Variants in CTIF observed in about 807,000 individuals in gnomAD.
CTIF encodes the protein cap binding complex dependent translation initiation factor, also known as CBP80/20-dependent translation initiation factor.
A neutral mutation model predicts 66.0 loss-of-function variants in CTIF; 21 were observed. The ratio of observed to expected loss-of-function variants is 0.32; its 90% CI spans 0.23 to 0.46. The LOEUF is 0.46. Among genes scored for constraint, CTIF ranks in the 20% least tolerant of loss-of-function variants. The pLI is 1.00. For synonymous variants in CTIF, 345 were observed against 326.4 expected (o/e 1.06, Z -0.62); for missense variants, 739 against 812.7 (o/e 0.91, Z 1.10).
chr18:48,773,946 G>A (rs757481408), intron 9 of CTIF, among the ~76,000 whole-genome samples: 2 of 152,102 alleles, frequency 1.3e-5, no homozygotes, highest in Admixed American at 6.6e-5. Flanking sequence ...TCAACCCTCC[G>A]CTCTAAGAGT....
chr18:48,670,823 A>G (rs2145003591), intron 6 of CTIF, 79 bp downstream of exon 6: 6 of 1,228,766 alleles, frequency 4.9e-6, no homozygotes, highest in Non-Finnish European at 7.2e-6. Context: ...GGACCTAACC[A>G]AAGCACTCCT....
chr18:48,570,733 T>C (rs949617735), intron 1 of CTIF, among the ~76,000 whole-genome samples: 11 of 152,006 alleles, frequency 7.2e-5, no homozygotes, highest in African/African-American at 2.4e-4. Context: ...CGGAACTTTA[T>C]ATGCAGAGGC....
rs976869081 is a variant in CTIF at position 48,860,027 on chromosome 18, C to CT, written c.*468_*469insT. ...GTTCCCGCATGCTGTCAGCCGCAGT[C>CT]GCCAACTGGCAGCAGGCGACGTGTA... On this transcript the variant is annotated 3_prime_UTR_variant, in exon 12 of 12. Transcript: ENST00000256413. 4.5e-6 allele frequency: 2 copies of CT among 440,712 alleles called. No homozygotes were observed. Among genetic ancestry groups the CT allele is most frequent in the Non-Finnish European group, 9.3e-6 (2 of 215,862 alleles). 27.3% of individuals were successfully genotyped at this position (440,712 alleles called of 1,614,324 possible). A position where few individuals can be genotyped will look rare whatever the true frequency, so the allele number is the denominator to read the frequency against.
At chr18:48,713,606 C>CA (rs1343648251) in intron 7 of CTIF, among the ~76,000 whole-genome samples, 1 of 151,994 alleles carries the variant, frequency 6.6e-6, no homozygotes, top group East Asian at 1.9e-4. Flanking sequence ...CAAAGTGAGG[C>CA]AATAAAGATG....
At chr18:48,840,209 T>G (rs1456139492) in intron 10 of CTIF, among the ~76,000 whole-genome samples, 1 of 152,116 alleles carries the variant, frequency 6.6e-6, no homozygotes, top group Non-Finnish European at 1.5e-5. Flanking sequence ...CAGAGGCAGA[T>G]AAGGGCAGGA....
intron 1 of CTIF, among the ~76,000 whole-genome samples, chr18:48,593,473 C>T (rs1487091528): frequency 2.1e-4 from 32 of 151,630 alleles, no homozygotes; most frequent in Admixed American, 2.0e-3. Context: ...CTCTGCCTCC[C>T]GGGTTCATGC....
intron 2 of CTIF, chr18:48,625,115 C>A: frequency 1.9e-6 from 1 of 533,750 alleles, no homozygotes; most frequent in Non-Finnish European, 2.4e-6. Flanking sequence ...TGTTCCCTCG[C>A]CCTTTTTCTA....
At chr18:48,652,813 G>T in intron 3 of CTIF, among the ~76,000 whole-genome samples, 1 of 152,172 alleles carries the variant, frequency 6.6e-6, no homozygotes, top group Non-Finnish European at 1.5e-5. Flanking sequence ...GGGATGCAAG[G>T]CTGGTTCAAC....
chr18:48,859,631 G>T lies in CTIF; in HGVS notation c.*72G>T. ...TGCACAGGGCCAGATGGACAGGCGGGAGGACAGGGGTGGCCCTGGCGGGAG... is the reference window on the plus strand; with the variant it reads ...TGCACAGGGCCAGATGGACAGGCGGTAGGACAGGGGTGGCCCTGGCGGGAG... On this transcript the variant is annotated 3_prime_UTR_variant, in exon 12 of 12. Coordinates refer to ENST00000256413, the MANE Select transcript of CTIF (RefSeq NM_014772.3). 1 of 1,435,892 alleles carries T rather than the reference G, an allele frequency of 7.0e-7. No individual in the cohort carries two copies. The highest frequency in any genetic ancestry group is 9.8e-7 in the Non-Finnish European group (1 of 1,020,218). 88.9% of individuals were successfully genotyped at this position (1,435,892 alleles called of 1,614,324 possible).
chr18:48,841,909 G>A (rs150262766), intron 10 of CTIF, among the ~76,000 whole-genome samples: 28 of 152,252 alleles, frequency 1.8e-4, no homozygotes, highest in African/African-American at 6.7e-4. Context: ...GCCAGGCAGG[G>A]ACTCCTCAGC....
chr18:48,603,628 AGGATGGAT>A (rs780856135), intron 1 of CTIF, among the ~76,000 whole-genome samples: 11 of 120,832 alleles, frequency 9.1e-5, no homozygotes, highest in Non-Finnish European at 1.2e-4. Flanking sequence ...GATGGATGGA[AGGATGGAT>A]GGATGGATGG....
chr18:48,752,959 T>G (rs999595883), intron 7 of CTIF, among the ~76,000 whole-genome samples: 1 of 152,156 alleles, frequency 6.6e-6, no homozygotes, highest in Non-Finnish European at 1.5e-5. Context: ...GGGGTGGGTG[T>G]GTGTGGCGAC....
At chr18:48,667,869 C>G (rs779032030) in intron 5 of CTIF, among the ~76,000 whole-genome samples, 4 of 152,188 alleles carry the variant, frequency 2.6e-5, no homozygotes, top group Non-Finnish European at 4.4e-5. Flanking sequence ...ATGGCCAGAC[C>G]AGGAACTGTG....
At chr18:48,725,597 C>G (rs994834100) in intron 7 of CTIF, among the ~76,000 whole-genome samples, 3 of 152,138 alleles carry the variant, frequency 2.0e-5, no homozygotes, top group Non-Finnish European at 2.9e-5. Context: ...CCTTTTGACC[C>G]CAGATTTACT....
chr18:48,679,927 TGA>T (rs972580432), intron 6 of CTIF, among the ~76,000 whole-genome samples: 7 of 151,908 alleles, frequency 4.6e-5, no homozygotes, highest in African/African-American at 1.7e-4. Flanking sequence ...AGGAGGCTGT[TGA>T]GAGTGGGGGA....
intron 9 of CTIF, among the ~76,000 whole-genome samples, chr18:48,787,928 A>C (rs1168044734): frequency 6.6e-6 from 1 of 152,188 alleles, no homozygotes; most frequent in Non-Finnish European, 1.5e-5. Flanking sequence ...GAGGTCTGGC[A>C]GTCCTCTGCG....
intron 1 of CTIF, among the ~76,000 whole-genome samples, chr18:48,592,558 G>A (rs2089909461): frequency 6.6e-6 from 1 of 151,984 alleles, no homozygotes; most frequent in Admixed American, 6.6e-5. Flanking sequence ...CCGTTCCCAT[G>A]TGGGCAAGGA....
chr18:48,542,737 G>A (rs891449745), intron 1 of CTIF, among the ~76,000 whole-genome samples: 1 of 152,218 alleles, frequency 6.6e-6, no homozygotes, highest in Admixed American at 6.5e-5. Context: ...CAAGATGCCA[G>A]TTCTTATTCT....
rs1240089106 is a variant in CTIF at position 48,859,618 on chromosome 18, G to C, written c.*59G>C. ...GCTGGGGCCCTGGTGCACAGGGCCA[G>C]ATGGACAGGCGGGAGGACAGGGGTG... On this transcript the variant is annotated 3_prime_UTR_variant, in exon 12 of 12. Coordinates refer to ENST00000256413, the MANE Select transcript of CTIF (RefSeq NM_014772.3). 1 of 1,507,546 alleles carries C rather than the reference G, an allele frequency of 6.6e-7. No individual in the cohort carries two copies. The highest frequency in any genetic ancestry group is 1.4e-5 in the African/African-American group (1 of 72,640). 93.4% of individuals were successfully genotyped at this position (1,507,546 alleles called of 1,614,324 possible). A position where few individuals can be genotyped will look rare whatever the true frequency, so the allele number is the denominator to read the frequency against.
Sources: gnomAD v4.1 joint callset for allele counts (sites outside exome capture counted in the v4.1 genomes callset) on GRCh38, gnomAD v4.1.1 for gene constraint, MANE v1.5 for transcripts, NCBI Gene and HGNC (gene_info 2026-07-23, HGNC 2026-07-21) for gene names.